PRDM6: variants seen among roughly 807,000 people sequenced by gnomAD.
PRDM6 encodes the protein putative histone-lysine N-methyltransferase PRDM6.
A neutral mutation model predicts 60.8 loss-of-function variants in PRDM6; 25 were observed. The observed-to-expected ratio is 0.41, with a 90% CI of 0.30 to 0.57. PRDM6 has a LOEUF of 0.57. Among genes scored for constraint, PRDM6 ranks in the 20% least tolerant of loss-of-function variants. The pLI is 0.27. For missense variants in PRDM6, 839 were observed against 821.3 expected (o/e 1.02, Z -0.26); for synonymous variants, 407 against 357.4 (o/e 1.14, Z -1.57).
intron 3 of PRDM6, among the ~76,000 whole-genome samples, chr5:123,139,616 C>T (rs781567989): frequency 2.0e-5 from 3 of 152,068 alleles, no homozygotes; most frequent in Non-Finnish European, 2.9e-5. Flanking sequence ...TATGCTGAAC[C>T]AGTCCTCAGG....
rs189190 is a variant in PRDM6 at position 123,099,058 on chromosome 5, G to A, written c.593-596G>A. The stretch of plus-strand genomic sequence containing the variant: ...GAATGGCACCCGCGATAGACTGGCC[G>A]TCTCCCCCACCCCGCCCCGTCTGGT... On this transcript the variant is annotated intron_variant, in intron 2 of 7. Coordinates refer to ENST00000407847, the MANE Select transcript of PRDM6 (RefSeq NM_001136239.4). This position sits in a 1 kb window ranked among gnomAD's most constrained non-coding sequence, Gnocchi z 4.0. Among the ~76,000 whole-genome samples, 20,067 of 150,290 alleles carry A rather than the reference G, an allele frequency of 0.13. 1,482 individuals are homozygous for A. Among genetic ancestry groups the A allele is most frequent in the Non-Finnish European group, 0.17 (11,566 of 67,466 alleles).
At chr5:123,136,751 A>G (rs1764962749) in intron 3 of PRDM6, among the ~76,000 whole-genome samples, 1 of 151,936 alleles carries the variant, frequency 6.6e-6, no homozygotes, top group Admixed American at 6.6e-5. Flanking sequence ...GTTTCAGTGT[A>G]TTTCCTCTCC....
Position 123,187,253 on chromosome 5 carries a change from C to T in PRDM6, c.*52C>T, listed in dbSNP as rs912045236. The T allele has an allele frequency of 2.6e-5, 36 of 1,386,436 alleles. No individual in the cohort carries two copies. The highest frequency in any genetic ancestry group is 5.0e-5 in the South Asian group (4 of 80,198). 85.9% of individuals were successfully genotyped at this position (1,386,436 alleles called of 1,614,324 possible). On this transcript the variant is annotated 3_prime_UTR_variant, in exon 8 of 8. Coordinates refer to ENST00000407847, the MANE Select transcript of PRDM6 (RefSeq NM_001136239.4). The stretch of plus-strand genomic sequence containing the variant: ...CAAGGAAAGTCATGATTAAATGTCA[C>T]GGACACTTAAGCAAAACCAAAGATT...
intron 5 of PRDM6, among the ~76,000 whole-genome samples, chr5:123,163,604 C>T (rs924912305): frequency 2.6e-5 from 4 of 152,154 alleles, no homozygotes; most frequent in Non-Finnish European, 4.4e-5. Flanking sequence ...AGTGCCTTTC[C>T]ATCCACTGTG....
At chr5:123,179,391 A>G (rs1258306295) in intron 6 of PRDM6, among the ~76,000 whole-genome samples, 2 of 152,222 alleles carry the variant, frequency 1.3e-5, no homozygotes, top group Admixed American at 6.5e-5. Flanking sequence ...GTTCAAGAGA[A>G]AGATCTAATG....
chr5:123,153,794 C>T (rs180754984), intron 3 of PRDM6, among the ~76,000 whole-genome samples: 33 of 152,244 alleles, frequency 2.2e-4, no homozygotes, highest in Non-Finnish European at 4.0e-4. Flanking sequence ...AATGAGCCAA[C>T]GGTTAAGACA....
In PRDM6 at chr5:123,090,365, G is replaced by A. The variant is rs1032012755; in HGVS notation, c.351G>A (p.Pro117=). ...GLSALPVSQL[P]VFAPLAAAAV... ...CGGCCCTGCCGGTGTCGCAGCTGCC[G>A]GTGTTCGCGCCTCTAGCCGCCGCTG... Residue 117 remains proline, a synonymous_variant, in exon 2 of 8, where the codon CCG becomes CCA. Transcript: ENST00000407847. 2.0e-6 allele frequency: 3 copies of A among 1,471,924 alleles called. No individual in the cohort carries two copies. The African/African-American group carries it at 4.4e-5, about 22-fold the overall frequency. 91.2% of individuals were successfully genotyped at this position (1,471,924 alleles called of 1,614,324 possible). A position where few individuals can be genotyped will look rare whatever the true frequency, so the allele number is the denominator to read the frequency against.
At chr5:123,119,852 A>G (rs1378205200) in intron 3 of PRDM6, among the ~76,000 whole-genome samples, 1 of 152,142 alleles carries the variant, frequency 6.6e-6, no homozygotes, top group Non-Finnish European at 1.5e-5. Flanking sequence ...AAGTAGACGC[A>G]TTTTTTAAAT....
At chr5:123,141,117 T>C (rs948795686) in intron 3 of PRDM6, among the ~76,000 whole-genome samples, 5 of 152,154 alleles carry the variant, frequency 3.3e-5, no homozygotes, top group African/African-American at 1.2e-4. Flanking sequence ...TGAGAAATTA[T>C]ATCCCAACTC....
At position 123,167,012 on chromosome 5, in the gene PRDM6, A is replaced by G. The variant is rs537912280; in HGVS notation, c.1154-3754A>G. Among the ~76,000 whole-genome samples the G allele has an allele frequency of 1.4e-3, 220 of 152,216 alleles. 1 individual carries two copies. The highest frequency in any genetic ancestry group is 3.4e-3 in the Middle Eastern group (1 of 294). Reference sequence around the variant, plus strand: ...GTTGTCTTTCTTGTGTTGGGATGAAATTTCCTGTCCTTTTTCTGAAAATTT... The same window carrying G: ...GTTGTCTTTCTTGTGTTGGGATGAAGTTTCCTGTCCTTTTTCTGAAAATTT... On this transcript the variant is annotated intron_variant, in intron 5 of 7. Coordinates refer to ENST00000407847, the MANE Select transcript of PRDM6 (RefSeq NM_001136239.4).
intron 3 of PRDM6, among the ~76,000 whole-genome samples, chr5:123,147,150 G>T (rs1765259302): frequency 6.6e-6 from 1 of 152,080 alleles, no homozygotes; most frequent in South Asian, 2.1e-4. Context: ...TTTAATAGAT[G>T]TCAAGAATTC....
chr5:123,104,733 G>A (rs1274815177), intron 3 of PRDM6, among the ~76,000 whole-genome samples: 2 of 152,234 alleles, frequency 1.3e-5, no homozygotes, highest in East Asian at 3.9e-4. Context: ...CTCTGGCTTT[G>A]CCTCATTTGA....
rs1228440925 is a variant in PRDM6, at chr5:123,171,122, T to G, written c.1496+14T>G. ...GAACCCCGACAGGTAACCCTGACTC[T>G]CACTGCTGACAGTGTGTTTGCTTAG... On this transcript the variant is annotated intron_variant, in intron 6 of 7. Coordinates refer to ENST00000407847, the MANE Select transcript of PRDM6 (RefSeq NM_001136239.4). The G allele has an allele frequency of 6.6e-7, 1 of 1,513,550 alleles. No individual in the cohort carries two copies. Among genetic ancestry groups the G allele is most frequent in the East Asian group, 2.5e-5 (1 of 40,596 alleles). 93.8% of individuals were successfully genotyped at this position (1,513,550 alleles called of 1,614,324 possible). A position where few individuals can be genotyped will look rare whatever the true frequency, so the allele number is the denominator to read the frequency against.
chr5:123,091,739 C>A (rs563343239), intron 2 of PRDM6, among the ~76,000 whole-genome samples: 1 of 152,352 alleles, frequency 6.6e-6, no homozygotes, highest in East Asian at 1.9e-4. Flanking sequence ...GATCAGCATT[C>A]ATTCAGCTAT....
At chr5:123,146,692 T>C (rs939799959) in intron 3 of PRDM6, among the ~76,000 whole-genome samples, 1 of 152,172 alleles carries the variant, frequency 6.6e-6, no homozygotes, top group Admixed American at 6.5e-5. Flanking sequence ...CAGTCTGAGA[T>C]TATTTGCAAG....
intron 3 of PRDM6, among the ~76,000 whole-genome samples, chr5:123,146,317 G>A (rs1170787624): frequency 1.3e-5 from 2 of 152,164 alleles, no homozygotes; most frequent in African/African-American, 4.8e-5. Context: ...CGTGTTGCAC[G>A]AGGCATATGG....
chr5:123,147,181 A>G (rs1765259607), intron 3 of PRDM6, among the ~76,000 whole-genome samples: 2 of 152,152 alleles, frequency 1.3e-5, no homozygotes, highest in South Asian at 4.1e-4. Flanking sequence ...CTTTAATTAA[A>G]GATAGATTTT....
chr5:123,126,372 G>A (rs1734314572), intron 3 of PRDM6, among the ~76,000 whole-genome samples: 1 of 152,042 alleles, frequency 6.6e-6, no homozygotes, highest in South Asian at 2.1e-4. Flanking sequence ...TAAAAGTCTG[G>A]GCTCTGATGC....
chr5:123,168,582 A>G (rs1444165312), intron 5 of PRDM6, among the ~76,000 whole-genome samples: 1 of 152,328 alleles, frequency 6.6e-6, no homozygotes, highest in African/African-American at 2.4e-5. Flanking sequence ...CAGTTGGGAA[A>G]CTTTAAAAAA....
Sources: allele counts gnomAD v4.1 joint callset (sites outside exome capture counted in the v4.1 genomes callset), GRCh38; gene constraint gnomAD v4.1.1; non-coding constraint Gnocchi (gnomAD v3.1); transcripts MANE v1.5; gene names NCBI Gene and HGNC (gene_info 2026-07-23, HGNC 2026-07-21).